KCNN2: variants seen among roughly 807,000 people sequenced by gnomAD.
KCNN2 encodes small conductance calcium-activated potassium channel protein 2.
KCNN2 carries 24 observed loss-of-function variants against 55.5 expected under a neutral mutation model. The ratio of observed to expected loss-of-function variants is 0.43; its 90% CI spans 0.31 to 0.61. KCNN2 has a LOEUF of 0.61. KCNN2 is among the 20% of genes least tolerant of loss of function. KCNN2 has a pLI of 0.08. For missense variants in KCNN2, 754 were observed against 853.6 expected, an observed-to-expected ratio of 0.88 and a Z score of 1.45; for synonymous variants, 431 against 336.1, an observed-to-expected ratio of 1.28 and a Z score of -3.09.
Position 114,180,852 on chromosome 5 carries a change from G to T in KCNN2, c.-270-40628G>T, listed in dbSNP as rs368266301. On this transcript the variant is annotated intron_variant, in intron 1 of 10. Coordinates refer to the KCNN2 transcript ENST00000512097. ...TGATTTTGTCTTACTATTTCTGCCT[G>T]TTCTAGAACTTCATATCAAATGGGT... 2.4e-4 allele frequency among the ~76,000 whole-genome samples: 36 copies of T among 152,194 alleles called. No individual in the cohort carries two copies. In the East Asian group the frequency reaches 2.7e-3, roughly 11 times the overall value.
chr5:114,485,360 A>C (rs1051222600), intron 5 of KCNN2, among the ~76,000 whole-genome samples: 1 of 152,074 alleles, frequency 6.6e-6, no homozygotes, highest in Non-Finnish European at 1.5e-5. Context: ...CTCTTTCCTC[A>C]CAGGGAAAGG....
chr5:114,196,624 T>C (rs1405833794), intron 1 of KCNN2, among the ~76,000 whole-genome samples: 1 of 152,082 alleles, frequency 6.6e-6, no homozygotes, highest in Non-Finnish European at 1.5e-5. Flanking sequence ...ATCTAAGTTA[T>C]CTAATTTGTT....
intron 1 of KCNN2, among the ~76,000 whole-genome samples, chr5:114,059,024 G>A (rs1054445285): frequency 2.0e-5 from 3 of 152,090 alleles, no homozygotes; most frequent in African/African-American, 7.2e-5. Context: ...TGGAGGAAGG[G>A]CATATTTTTC....
chr5:114,241,342 G>A (rs2112615096), intron 2 of KCNN2, among the ~76,000 whole-genome samples: 1 of 151,926 alleles, frequency 6.6e-6, no homozygotes, highest in East Asian at 1.9e-4. Flanking sequence ...TTGGAGAAGA[G>A]CCAAAACATT....
At chr5:114,419,656 GC>G (rs1157315266) in intron 3 of KCNN2, among the ~76,000 whole-genome samples, 6 of 152,140 alleles carry the variant, frequency 3.9e-5, no homozygotes, top group Non-Finnish European at 8.8e-5. Flanking sequence ...ACTAGTACTA[GC>G]TAGATGCATA....
At position 114,241,752 on chromosome 5, in the gene KCNN2, G is replaced by GCA. The variant is rs1561537024; in HGVS notation, c.-185+20187_-185+20188insCA. On this transcript the variant is annotated intron_variant, in intron 2 of 10. Transcript: ENST00000512097. ...TATATACATATATACGTATATATATGTATATATATACGTATATATATACAT... is the reference window on the plus strand; with the variant it reads ...TATATACATATATACGTATATATATGCATATATATATACGTATATATATACAT... 1.0e-3 allele frequency among the ~76,000 whole-genome samples: 3 copies of GCA among 2,976 alleles called. 1 individual carries two copies. The highest frequency in any genetic ancestry group is 0.067 in the South Asian group (2 of 30). The allele number at this position is 2,976 out of a possible 152,430, so 2.0% of individuals were successfully genotyped here.
intron 3 of KCNN2, among the ~76,000 whole-genome samples, chr5:114,442,665 G>A (rs1251857367): frequency 1.3e-5 from 2 of 152,146 alleles, no homozygotes; most frequent in Non-Finnish European, 2.9e-5. Context: ...GGAAGACTCA[G>A]ACCATAAACC....
intron 2 of KCNN2, among the ~76,000 whole-genome samples, chr5:114,262,864 T>A (rs1260969465): frequency 6.6e-6 from 1 of 152,144 alleles, no homozygotes; most frequent in Admixed American, 6.5e-5. Context: ...TCCTCTTATT[T>A]ATCAAAAGAG....
intron 1 of KCNN2, among the ~76,000 whole-genome samples, chr5:114,170,729 A>T (rs1443724753): frequency 1.1e-4 from 17 of 151,858 alleles, no homozygotes; most frequent in African/African-American, 3.6e-4. Context: ...CTGTCTCTCA[A>T]TTTTTTTCCA....
At chr5:114,208,593 C>T (rs1170383040) in intron 1 of KCNN2, among the ~76,000 whole-genome samples, 1 of 152,156 alleles carries the variant, frequency 6.6e-6, no homozygotes, top group Non-Finnish European at 1.5e-5. Context: ...GAAGCTGACA[C>T]TGAGACCCCA....
chr5:114,483,051 GAAAA>G (rs1232747490), intron 5 of KCNN2, among the ~76,000 whole-genome samples: 2 of 142,832 alleles, frequency 1.4e-5, no homozygotes, highest in Non-Finnish European at 3.1e-5. Flanking sequence ...AAATTTGAAG[GAAAA>G]AAAAAAAGTC....
At chr5:114,466,124 T>G (rs1444444625) in intron 4 of KCNN2, among the ~76,000 whole-genome samples, 1 of 152,074 alleles carries the variant, frequency 6.6e-6, no homozygotes, top group Non-Finnish European at 1.5e-5. Context: ...TTTTATAAAA[T>G]AAGTCATGAG....
intron 1 of KCNN2, among the ~76,000 whole-genome samples, chr5:114,187,154 G>A (rs17429055): frequency 0.093 from 14,114 of 152,160 alleles, 703 homozygotes; most frequent in Middle Eastern, 0.14. Flanking sequence ...GACTGGTTAA[G>A]TATTCTAGGT....
At chr5:114,137,164 T>G (rs190025244) in intron 1 of KCNN2, among the ~76,000 whole-genome samples, 1 of 152,314 alleles carries the variant, frequency 6.6e-6, no homozygotes, top group East Asian at 1.9e-4. Flanking sequence ...ACTGTAATCA[T>G]TGGCTCTTTT....
intron 4 of KCNN2, among the ~76,000 whole-genome samples, chr5:114,470,117 T>G (rs1049099691): frequency 1.1e-4 from 16 of 152,200 alleles, no homozygotes; most frequent in Non-Finnish European, 2.2e-4. Flanking sequence ...AATGGGCCAG[T>G]AGCAGAAAAG....
chr5:114,411,692 C>T (rs1308529776), intron 3 of KCNN2, among the ~76,000 whole-genome samples: 1 of 152,122 alleles, frequency 6.6e-6, no homozygotes, highest in Non-Finnish European at 1.5e-5. Context: ...GAGAGAGGAA[C>T]TCACCTTTTC....
In KCNN2 at chr5:114,275,468, C is replaced by CT. The variant is rs963346109; in HGVS notation, c.-185+53904dup. 4.4e-3 allele frequency among the ~76,000 whole-genome samples: 667 copies of CT among 152,020 alleles called. 7 individuals are homozygous for CT. The highest frequency in any genetic ancestry group is 6.9e-3 in the Admixed American group (105 of 15,252). On this transcript the variant is annotated intron_variant, in intron 2 of 10. Coordinates refer to the KCNN2 transcript ENST00000512097. ...GGCTGTGAATCTGTCTGGTCCTGGA[C>CT]TCTTTTTGGTTGGTAGGCTATTAAT...
intron 3 of KCNN2, among the ~76,000 whole-genome samples, chr5:114,419,801 G>A (rs1468729232): frequency 6.6e-6 from 1 of 152,192 alleles, no homozygotes; most frequent in Non-Finnish European, 1.5e-5. Context: ...ACCAGCCTGG[G>A]CAACATAGTG....
chr5:114,294,766 T>C (rs1018057602), intron 2 of KCNN2, among the ~76,000 whole-genome samples: 1 of 152,168 alleles, frequency 6.6e-6, no homozygotes, highest in Non-Finnish European at 1.5e-5. Flanking sequence ...TTCTGTGTCA[T>C]TGATCTGTCT....
Sources: gnomAD v4.1 joint callset for allele counts (sites outside exome capture counted in the v4.1 genomes callset) on GRCh38, gnomAD v4.1.1 for gene constraint, MANE v1.5 for transcripts, NCBI Gene and HGNC (gene_info 2026-07-23, HGNC 2026-07-21) for gene names.